The following RGS3 variants were observed in gnomAD, a reference collection of about 807,000 sequenced individuals.
The protein encoded by RGS3 is regulator of G-protein signalling 3.
A neutral mutation model predicts 132.6 loss-of-function variants in RGS3; 80 were observed. The ratio of observed to expected loss-of-function variants is 0.60; its 90% CI spans 0.50 to 0.73. The LOEUF is 0.73. RGS3 is among the 30% of genes least tolerant of loss of function. The pLI, the probability that RGS3 is intolerant of heterozygous loss-of-function variation, is 0.00. For synonymous variants in RGS3, 598 were observed against 620.6 expected (o/e 0.96, Z 0.54); for missense variants, 1,382 against 1,530.8 (o/e 0.90, Z 1.62).
At position 113,463,670 on chromosome 9, in the gene RGS3, C is replaced by T; in HGVS notation, c.415+1469C>T. On this transcript the variant is annotated intron_variant, in intron 3 of 24. Coordinates refer to ENST00000350696, the Ensembl canonical transcript of RGS3. This position sits in a 1 kb window ranked among gnomAD's most constrained non-coding sequence, Gnocchi z 4.6. Reference sequence around the variant, plus strand: ...GCGGGCCAATCAGGGCCGGGCGCGCCCTGGCCGTTCCAACGCTTGGGGCAG... The same window carrying T: ...GCGGGCCAATCAGGGCCGGGCGCGCTCTGGCCGTTCCAACGCTTGGGGCAG... 4 of 1,403,968 alleles carry T rather than the reference C, an allele frequency of 2.8e-6. No homozygotes were observed. Among genetic ancestry groups the T allele is most frequent in the Non-Finnish European group, 3.7e-6 (4 of 1,083,132 alleles). The allele number at this position is 1,403,968 out of a possible 1,614,324, so 87.0% of individuals were successfully genotyped here. A position where few individuals can be genotyped will look rare whatever the true frequency, so the allele number is the denominator to read the frequency against.
chr9:113,581,016 G>A (rs1588283986), intron 19 of RGS3: 29 of 981,574 alleles, frequency 3.0e-5, no homozygotes, highest in Non-Finnish European at 3.5e-5. Context: ...GCAGGTGGCT[G>A]GGCCAGGGGG....
intron 10 of RGS3, among the ~76,000 whole-genome samples, chr9:113,500,833 G>A (rs981162617): frequency 2.6e-5 from 4 of 151,780 alleles, no homozygotes; most frequent in Non-Finnish European, 5.9e-5. Context: ...GACTACAGGC[G>A]CCTGCCACCA....
In RGS3 at chr9:113,594,859, T is replaced by C. The variant is rs1288541385; in HGVS notation, c.3183-60T>C. Reference sequence around the variant, plus strand: ...GTAAACAAAGGCCGCCTGGCCCAGCTTCCCCCAAGGTTCCCAAGCCTCTCA... The same window carrying C: ...GTAAACAAAGGCCGCCTGGCCCAGCCTCCCCCAAGGTTCCCAAGCCTCTCA... On this transcript the variant is annotated intron_variant, in intron 22 of 24. Coordinates refer to ENST00000350696, the Ensembl canonical transcript of RGS3. The C allele has an allele frequency of 3.9e-6, 6 of 1,540,144 alleles. No homozygotes were observed. In the East Asian group the frequency reaches 1.1e-4, roughly 29 times the overall value.
rs1833399867 is a variant in RGS3 at position 113,552,970 on chromosome 9, A to C, written c.2037+16052A>C. ...CAAAACTTGTACCAAAAAATTCTAA[A>C]CATTACTAAACTGAATAAAATAAAA... On this transcript the variant is annotated intron_variant, in intron 19 of 24. Coordinates refer to ENST00000350696, the Ensembl canonical transcript of RGS3. Among the ~76,000 whole-genome samples the C allele has an allele frequency of 3.3e-5, 5 of 152,330 alleles. No individual in the cohort carries two copies. In the South Asian group the frequency reaches 1.0e-3, roughly 32 times the overall value.
chr9:113,544,299 GTTTTTT>G, intron 19 of RGS3, among the ~76,000 whole-genome samples: 1 of 133,408 alleles, frequency 7.5e-6, no homozygotes, highest in East Asian at 2.2e-4. Context: ...CCATTTTCAT[GTTTTTT>G]TTTTTTTTTT....
chr9:113,468,573 T>G (rs187358140), intron 3 of RGS3, among the ~76,000 whole-genome samples: 5 of 152,324 alleles, frequency 3.3e-5, no homozygotes, highest in Non-Finnish European at 5.9e-5. Flanking sequence ...CATAATATTT[T>G]ATATAGAAAA....
intron 19 of RGS3, among the ~76,000 whole-genome samples, chr9:113,551,152 A>G (rs1241029737): frequency 1.3e-5 from 2 of 152,188 alleles, no homozygotes; most frequent in Admixed American, 1.3e-4. Flanking sequence ...ACCCTAAGCG[A>G]CCACTAGTTC....
intron 3 of RGS3, among the ~76,000 whole-genome samples, chr9:113,475,987 A>G (rs1000820827): frequency 2.7e-5 from 4 of 149,366 alleles, no homozygotes; most frequent in African/African-American, 9.9e-5. Context: ...TCCAGGCTGG[A>G]GTTGCAGTGG....
At chr9:113,509,426 G>A (rs1831302581) in intron 14 of RGS3, among the ~76,000 whole-genome samples, 1 of 152,152 alleles carries the variant, frequency 6.6e-6, no homozygotes, top group Admixed American at 6.5e-5. Context: ...ACTGAGAGAG[G>A]CTATACAGAG....
intron 19 of RGS3, among the ~76,000 whole-genome samples, chr9:113,562,741 A>G (rs749574402): frequency 7.2e-5 from 11 of 152,142 alleles, no homozygotes; most frequent in Non-Finnish European, 1.3e-4. Flanking sequence ...TCATTTATGT[A>G]CCTCTGAGAA....
At chr9:113,542,848 C>G (rs1832960023) in intron 19 of RGS3, among the ~76,000 whole-genome samples, 1 of 152,324 alleles carries the variant, frequency 6.6e-6, no homozygotes, top group Admixed American at 6.5e-5. Flanking sequence ...CACACAGTGC[C>G]CTGGAAACTG....
At chr9:113,501,288 C>T (rs1054656002) in intron 10 of RGS3, 44 of 643,900 alleles carry the variant, frequency 6.8e-5, no homozygotes, top group East Asian at 4.3e-4. Context: ...AGAACAAAGG[C>T]GCCCTCTCCC....
At chr9:113,505,395 C>T in intron 10 of RGS3, 47 bp from the exon 9 acceptor site, 1 of 1,571,558 alleles carries the variant, frequency 6.4e-7, no homozygotes, top group Non-Finnish European at 8.8e-7. Flanking sequence ...GGGGTAGAGG[C>T]AAGAGCCTCC....
chr9:113,557,198 C>A (rs542959987), intron 19 of RGS3, among the ~76,000 whole-genome samples: 1 of 152,316 alleles, frequency 6.6e-6, no homozygotes, highest in South Asian at 2.1e-4. Flanking sequence ...GGGAGGGTAG[C>A]CTTCAGGCCT....
At chr9:113,505,418 T>C (rs1831084595) in intron 10 of RGS3, 24 bp from the exon 9 acceptor site, 2 of 1,612,256 alleles carry the variant, frequency 1.2e-6, no homozygotes, top group Non-Finnish European at 1.7e-6. Flanking sequence ...CTTCTGGCAG[T>C]GACCGGGCAG....
At chr9:113,458,195 G>A (rs1163742845), upstream of RGS3, among the ~76,000 whole-genome samples, 1 of 152,206 alleles carries the variant, frequency 6.6e-6, no homozygotes, top group Non-Finnish European at 1.5e-5. Context: ...GGGATTACAG[G>A]CGTGAGCCAC....
At chr9:113,585,832 A>G (rs7865364) in intron 20 of RGS3, among the ~76,000 whole-genome samples, 16,044 of 152,218 alleles carry the variant, frequency 0.11, 961 homozygotes, top group African/African-American at 0.14. Context: ...AGGCAGACTT[A>G]CCTTCTGGGG....
intron 1 of RGS3, among the ~76,000 whole-genome samples, chr9:113,451,127 G>A (rs1196842896): frequency 6.7e-6 from 1 of 148,794 alleles, no homozygotes; most frequent in Non-Finnish European, 1.5e-5. Flanking sequence ...GCAGTGAGCC[G>A]AGATCACACC....
At chr9:113,563,661 C>G (rs1564574139) in intron 19 of RGS3, among the ~76,000 whole-genome samples, 1 of 152,168 alleles carries the variant, frequency 6.6e-6, no homozygotes, top group African/African-American at 2.4e-5. Flanking sequence ...CAAGGACTGC[C>G]TTGGTTCTGC....
Sources: allele counts gnomAD v4.1 joint callset (sites outside exome capture counted in the v4.1 genomes callset), GRCh38; gene constraint gnomAD v4.1.1; non-coding constraint Gnocchi (gnomAD v3.1); transcripts MANE v1.5; gene names NCBI Gene and HGNC (gene_info 2026-07-23, HGNC 2026-07-21).